Variants in SAMD4A observed in about 807,000 individuals in gnomAD.
The protein encoded by SAMD4A is protein Smaug homolog 1.
SAMD4A carries 33 observed loss-of-function variants against 81.3 expected under a neutral mutation model. The observed-to-expected ratio is 0.41, with a 90% CI of 0.31 to 0.54. SAMD4A has a LOEUF of 0.54. SAMD4A is among the 20% of genes least tolerant of loss of function. The probability of loss-of-function intolerance (pLI) is 0.37; values close to 1 mark genes in which losing one functional copy is unlikely to be tolerated. For synonymous variants in SAMD4A, 389 were observed against 382.1 expected, an observed-to-expected ratio of 1.02 and a Z score of -0.21; for missense variants, 854 against 951.1, an observed-to-expected ratio of 0.90 and a Z score of 1.34.
intron 11 of SAMD4A, among the ~76,000 whole-genome samples, chr14:54,778,917 G>T (rs756682230): frequency 2.6e-5 from 4 of 152,200 alleles, no homozygotes; most frequent in Non-Finnish European, 4.4e-5. Context: ...CTGCTTAAGG[G>T]CACAGGGTTG....
intron 2 of SAMD4A, among the ~76,000 whole-genome samples, chr14:54,620,787 T>G (rs1397241770): frequency 2.6e-5 from 4 of 152,054 alleles, no homozygotes; most frequent in Non-Finnish European, 5.9e-5. Context: ...AGAGACAGAG[T>G]CTCACTTTGT....
At chr14:54,691,707 G>A (rs559399003) in intron 2 of SAMD4A, among the ~76,000 whole-genome samples, 1 of 152,160 alleles carries the variant, frequency 6.6e-6, no homozygotes, top group Non-Finnish European at 1.5e-5. Context: ...TTGGCTGGCG[G>A]CTGGAGGGGA....
At chr14:54,778,618 G>GT (rs199933718) in intron 11 of SAMD4A, among the ~76,000 whole-genome samples, 7 of 152,066 alleles carry the variant, frequency 4.6e-5, no homozygotes, top group African/African-American at 1.4e-4. Flanking sequence ...CGCTTTGAGT[G>GT]TTTTTTTTAA....
rs150523562 is a variant in SAMD4A, at chr14:54,587,463, G to A, written c.196+19351G>A. Among the ~76,000 whole-genome samples the A allele has an allele frequency of 3.4e-3, 511 of 152,256 alleles. 12 individuals are homozygous for A. The highest frequency in any genetic ancestry group is 0.032 in the East Asian group (165 of 5,176). ...CTCCAGCTGGGACTTCCAGTACTAT[G>A]TTGAATAGAAGTGGTGAAAGTGGGT... On this transcript the variant is annotated intron_variant, in intron 2 of 12. Transcript: ENST00000554335.
At chr14:54,639,022 C>G (rs1160686440) in intron 2 of SAMD4A, among the ~76,000 whole-genome samples, 1 of 152,174 alleles carries the variant, frequency 6.6e-6, no homozygotes, top group African/African-American at 2.4e-5. Flanking sequence ...ATTTGTCTCA[C>G]TAGATGCCTG....
chr14:54,784,176 C>T (rs985694437), intron 11 of SAMD4A: 15 of 611,032 alleles, frequency 2.5e-5, no homozygotes, highest in African/African-American at 2.4e-4. Context: ...AAGGAGAGAG[C>T]TGTATGAGGG....
chr14:54,580,911 A>G (rs1041122035), intron 2 of SAMD4A, among the ~76,000 whole-genome samples: 1 of 152,214 alleles, frequency 6.6e-6, no homozygotes, highest in Admixed American at 6.5e-5. Flanking sequence ...GGGGTTTACC[A>G]TCTAGGTTGT....
chr14:54,630,906 A>ATGTGTG (rs780859854), intron 2 of SAMD4A, among the ~76,000 whole-genome samples: 2 of 65,482 alleles, frequency 3.1e-5, no homozygotes, highest in African/African-American at 1.2e-4. Context: ...CTTGTATTTT[A>ATGTGTG]TATGTGTGTG....
chr14:54,623,631 G>GAGC (rs75423231), intron 2 of SAMD4A, among the ~76,000 whole-genome samples: 7 of 150,506 alleles, frequency 4.7e-5, no homozygotes, highest in African/African-American at 1.5e-4. Flanking sequence ...CAGTTGGGGA[G>GAGC]GGTGGGGACA....
chr14:54,776,779 C>T (rs142532155), intron 11 of SAMD4A, among the ~76,000 whole-genome samples: 3 of 152,132 alleles, frequency 2.0e-5, no homozygotes, highest in African/African-American at 7.2e-5. Context: ...TGATACTAGT[C>T]ATATTTCTAG....
At chr14:54,606,860 T>G (rs529890123) in intron 2 of SAMD4A, among the ~76,000 whole-genome samples, 6 of 152,342 alleles carry the variant, frequency 3.9e-5, no homozygotes, top group African/African-American at 1.4e-4. Context: ...ACATATTCAC[T>G]TATTTGCCAA....
intron 2 of SAMD4A, among the ~76,000 whole-genome samples, chr14:54,622,403 C>T (rs1425988573): frequency 6.6e-6 from 1 of 152,040 alleles, no homozygotes; most frequent in Non-Finnish European, 1.5e-5. Context: ...CAGAGGCAGG[C>T]GTGTGATGTT....
rs553804699 is a variant in SAMD4A at position 54,719,839 on chromosome 14, C to G, written c.716-17185C>G. 1.1e-4 allele frequency among the ~76,000 whole-genome samples: 16 copies of G among 152,302 alleles called. 1 individual carries two copies. The highest frequency in any genetic ancestry group is 1.0e-3 in the Admixed American group (16 of 15,296). ...CTCTGGGTTTACATACAGTCTTTTT[C>G]TTGAAGACATCCTTCTATTCTCCTA... On this transcript the variant is annotated intron_variant, in intron 3 of 12. Transcript: ENST00000554335.
chr14:54,711,728 A>T (rs1344271738), intron 3 of SAMD4A, among the ~76,000 whole-genome samples: 2 of 152,026 alleles, frequency 1.3e-5, no homozygotes, highest in Non-Finnish European at 2.9e-5. Flanking sequence ...CCTTGCATTT[A>T]TGGAAAGGAT....
chr14:54,620,669 G>A (rs866914147), intron 2 of SAMD4A, among the ~76,000 whole-genome samples: 13 of 152,210 alleles, frequency 8.5e-5, no homozygotes, highest in Non-Finnish European at 1.3e-4. Context: ...GAAAGAAGTC[G>A]TAAGGGACAT....
At chr14:54,787,507 C>T (rs1190821924) in intron 12 of SAMD4A, among the ~76,000 whole-genome samples, 1 of 152,176 alleles carries the variant, frequency 6.6e-6, no homozygotes, top group Non-Finnish European at 1.5e-5. Flanking sequence ...TTCCCTGGAA[C>T]ACACTGCCAC....
intron 2 of SAMD4A, among the ~76,000 whole-genome samples, chr14:54,648,311 G>A (rs1016078549): frequency 1.3e-5 from 2 of 152,238 alleles, no homozygotes; most frequent in African/African-American, 4.8e-5. Context: ...AGGGCAGATT[G>A]AGACTTCAGT....
chr14:54,755,772 A>G (rs2038223651), intron 6 of SAMD4A, among the ~76,000 whole-genome samples: 2 of 152,238 alleles, frequency 1.3e-5, no homozygotes, highest in Non-Finnish European at 2.9e-5. Context: ...AAGGAAAATT[A>G]GAATGGTCAC....
At chr14:54,725,241 G>A (rs188114411) in intron 3 of SAMD4A, among the ~76,000 whole-genome samples, 3 of 152,292 alleles carry the variant, frequency 2.0e-5, no homozygotes, top group Admixed American at 2.0e-4. Flanking sequence ...CAAATGTCAG[G>A]ACAAAGACAA....
Sources: gnomAD v4.1 joint callset for allele counts (sites outside exome capture counted in the v4.1 genomes callset) on GRCh38, gnomAD v4.1.1 for gene constraint, MANE v1.5 for transcripts, NCBI Gene and HGNC (gene_info 2026-07-23, HGNC 2026-07-21) for gene names.